Variants in UBE3C observed in about 807,000 individuals in gnomAD.
The protein encoded by UBE3C is ubiquitin-protein ligase E3C.
Under a neutral mutation model 129.4 loss-of-function variants are expected in UBE3C, and 42 were observed. That is an observed-to-expected ratio of 0.32 (90% CI 0.25 to 0.42). The LOEUF is 0.42. Ranked by LOEUF, UBE3C falls within the 10% of genes least tolerant of loss-of-function variation. The probability of loss-of-function intolerance (pLI) is 1.00; values close to 1 mark genes in which losing one functional copy is unlikely to be tolerated. For synonymous variants in UBE3C, 510 were observed against 492.4 expected (o/e 1.04, Z -0.47); for missense variants, 1,049 against 1,319.1 (o/e 0.80, Z 3.17).
At chr7:157,143,128 A>G (rs571409612) in intron 1 of UBE3C, among the ~76,000 whole-genome samples, 2 of 151,958 alleles carry the variant, frequency 1.3e-5, no homozygotes, top group South Asian at 2.1e-4. Context: ...CAGCCTCCCA[A>G]AGTGCTGGGA....
chr7:157,201,136 CA>C (rs1474418200), intron 10 of UBE3C, among the ~76,000 whole-genome samples: 2 of 151,804 alleles, frequency 1.3e-5, no homozygotes, highest in Non-Finnish European at 2.9e-5. Flanking sequence ...CCAGCCTGGC[CA>C]ACGTTGTGAA....
At chr7:157,259,023 G>A (rs7806672) in intron 22 of UBE3C, among the ~76,000 whole-genome samples, 31,553 of 152,112 alleles carry the variant, frequency 0.21, 3,544 homozygotes, top group East Asian at 0.36. Context: ...GTTTTGAAAC[G>A]GCCACAATTA....
At chr7:157,203,173 A>G (rs1809337875) in intron 11 of UBE3C, among the ~76,000 whole-genome samples, 2 of 152,214 alleles carry the variant, frequency 1.3e-5, no homozygotes, top group South Asian at 2.1e-4. Context: ...CAGTTTCTCA[A>G]TATTATTACT....
intron 21 of UBE3C, among the ~76,000 whole-genome samples, chr7:157,255,773 G>T (rs192663091): frequency 1.3e-5 from 2 of 152,232 alleles, no homozygotes; most frequent in East Asian, 3.9e-4. Context: ...TTTAGGTTTA[G>T]GGAGCACTTT....
At chr7:157,140,041 G>A in intron 1 of UBE3C, 1 of 985,378 alleles carries the variant, frequency 1.0e-6, no homozygotes, top group Non-Finnish European at 1.2e-6. Flanking sequence ...GATAAGGGTA[G>A]GCAAACCATG....
At chr7:157,179,009 G>A (rs75002046) in intron 6 of UBE3C, among the ~76,000 whole-genome samples, 162 bp downstream of exon 6, 1 of 151,946 alleles carries the variant, frequency 6.6e-6, no homozygotes, top group East Asian at 1.9e-4. Flanking sequence ...CAGAGTCCCA[G>A]ATTCCAAAAT....
intron 10 of UBE3C, among the ~76,000 whole-genome samples, chr7:157,199,180 A>T (rs1319575431): frequency 6.6e-6 from 1 of 152,216 alleles, no homozygotes; most frequent in African/African-American, 2.4e-5. Flanking sequence ...ACATTTTTTA[A>T]AAACTCAATT....
intron 10 of UBE3C, among the ~76,000 whole-genome samples, chr7:157,195,854 CAG>C (rs149178042): frequency 0.014 from 2,165 of 152,246 alleles, 43 homozygotes; most frequent in African/African-American, 0.048. Flanking sequence ...TCTTTTAACA[CAG>C]GGGTGGAGTG....
intron 10 of UBE3C, among the ~76,000 whole-genome samples, chr7:157,200,054 A>G (rs1809237967): frequency 6.6e-6 from 1 of 152,190 alleles, no homozygotes; most frequent in Non-Finnish European, 1.5e-5. Context: ...TCATAAAATC[A>G]TAATACTTCT....
intron 22 of UBE3C, among the ~76,000 whole-genome samples, chr7:157,261,425 G>T (rs1796911680): frequency 6.9e-6 from 1 of 144,462 alleles, no homozygotes; most frequent in Admixed American, 7.1e-5. Flanking sequence ...AACACTTTGA[G>T]CATCCATGAG....
rs1442276876 is a variant in UBE3C, at chr7:157,257,027, C to G, written c.3064C>G (p.Pro1022Ala). The change falls in exon 22 of 23, where the codon CCT (proline) becomes GCT (alanine). Residue 1022 changes from proline (P) to alanine (A), a missense_variant. Pro to Ala is a conservative substitution (Grantham distance 27, BLOSUM62 -1). Around this residue, in one of 4 missense-constraint regions of UBE3C, gnomAD observed 243 missense variants for 368.7 expected, o/e 0.66. Coordinates refer to ENST00000348165, the MANE Select transcript of UBE3C (RefSeq NM_014671.3). ...GTTTGTAACAAGCTGCTCTCGACCCCCTCTCTTGGGGTTTAAGGTACACAA... is the reference window on the plus strand; with the variant it reads ...GTTTGTAACAAGCTGCTCTCGACCCGCTCTCTTGGGGTTTAAGGTACACAA... ...LKFVTSCSRPPLLGFKELYPA... is the reference protein window; with the variant it reads ...LKFVTSCSRPALLGFKELYPA... 6.2e-7 allele frequency: 1 copy of G among 1,614,136 alleles called. No individual in the cohort carries two copies. Among genetic ancestry groups the G allele is most frequent in the African/African-American group, 1.3e-5 (1 of 75,018 alleles).
intron 1 of UBE3C, chr7:157,140,109 TG>T: frequency 1.2e-6 from 1 of 868,346 alleles, no homozygotes. Context: ...GGGCATCAGT[TG>T]GTTCACTGGA....
chr7:157,176,707 G>A (rs914541648), intron 5 of UBE3C, among the ~76,000 whole-genome samples: 2 of 152,192 alleles, frequency 1.3e-5, no homozygotes, highest in Non-Finnish European at 2.9e-5. Flanking sequence ...TAGGTAGAGA[G>A]CACCCTGTAA....
intron 18 of UBE3C, among the ~76,000 whole-genome samples, chr7:157,239,332 C>T (rs754690774): frequency 6.6e-6 from 1 of 152,122 alleles, no homozygotes; most frequent in Non-Finnish European, 1.5e-5. Context: ...GTTGAAGAAT[C>T]CAGACACACA....
At chr7:157,253,838 A>G (rs1043292051) in intron 19 of UBE3C, 116 bp from the exon 20 acceptor site, 2 of 1,017,610 alleles carry the variant, frequency 2.0e-6, no homozygotes, top group Non-Finnish European at 2.8e-6. Flanking sequence ...TCGTATTTAG[A>G]TTCTTGTTCA....
chr7:157,225,933 G>A (rs572620005), intron 17 of UBE3C, among the ~76,000 whole-genome samples: 93 of 152,178 alleles, frequency 6.1e-4, no homozygotes, highest in Non-Finnish European at 6.0e-4. Flanking sequence ...CTTGGCAGTA[G>A]AGCCAGACCC....
chr7:157,267,378 C>T (rs758761256), intron 22 of UBE3C, among the ~76,000 whole-genome samples: 3 of 152,174 alleles, frequency 2.0e-5, no homozygotes, highest in South Asian at 2.1e-4. Flanking sequence ...GCTGAGATGG[C>T]GCCATTGCCC....
At chr7:157,232,769 G>T (rs939202894) in intron 18 of UBE3C, among the ~76,000 whole-genome samples, 1 of 152,176 alleles carries the variant, frequency 6.6e-6, no homozygotes. Context: ...TCTCATTGGT[G>T]GTTCTGTTTT....
Position 157,248,535 on chromosome 7 carries a change from T to G in UBE3C, c.2649T>G (p.Leu883=). 6.2e-7 allele frequency: 1 copy of G among 1,612,782 alleles called. No individual in the cohort carries two copies. Among genetic ancestry groups the G allele is most frequent in the South Asian group, 1.1e-5 (1 of 91,016 alleles). Reference sequence around the variant, plus strand: ...GCTACGAAGACGATGTGGAGGAGCTTGGGCTGAACTTCACTGTGGTGAACA... The same window carrying G: ...GCTACGAAGACGATGTGGAGGAGCTGGGGCTGAACTTCACTGTGGTGAACA... The part of the protein sequence containing the change: ...LKSYEDDVEE[L]GLNFTVVNND... The change falls in exon 19 of 23, where the codon CTT becomes CTG. Residue 883 remains leucine, a synonymous_variant. Transcript: ENST00000348165.
Sources: gnomAD v4.1 joint callset for allele counts (sites outside exome capture counted in the v4.1 genomes callset) on GRCh38, gnomAD v4.1.1 for gene constraint, gnomAD v4.1.1 regional missense constraint, MANE v1.5 for transcripts, NCBI Gene and HGNC (gene_info 2026-07-23, HGNC 2026-07-21) for gene names.